The following PTPRD variants were observed in gnomAD, a reference collection of about 807,000 sequenced individuals.
PTPRD encodes the protein protein tyrosine phosphatase receptor type D.
A neutral mutation model predicts 214.5 loss-of-function variants in PTPRD; 34 were observed. The observed-to-expected ratio is 0.16, with a 90% CI of 0.12 to 0.21. The LOEUF (loss-of-function observed/expected upper bound fraction) is 0.21, where lower values mean the gene tolerates loss of function less well. Among genes scored for constraint, PTPRD ranks in the 10% least tolerant of loss-of-function variants. PTPRD has a pLI of 1.00. For synonymous variants in PTPRD, 1,128 were observed against 845.7 expected, an observed-to-expected ratio of 1.33 and a Z score of -5.79; for missense variants, 2,545 against 2,398.7, an observed-to-expected ratio of 1.06 and a Z score of -1.27.
At chr9:8,458,220 G>A (rs1458672404) in intron 33 of PTPRD, among the ~76,000 whole-genome samples, 1 of 152,044 alleles carries the variant, frequency 6.6e-6, no homozygotes, top group Non-Finnish European at 1.5e-5. Context: ...CTTTTTGTGG[G>A]ATTAGGAAAA....
intron 37 of PTPRD, among the ~76,000 whole-genome samples, chr9:8,388,381 TTC>T (rs2088019558): frequency 6.6e-6 from 1 of 152,178 alleles, no homozygotes; most frequent in Non-Finnish European, 1.5e-5. Flanking sequence ...TGGTTTCAAA[TTC>T]TGTCTTGAAT....
chr9:8,694,590 A>C (rs1332268445), intron 12 of PTPRD, among the ~76,000 whole-genome samples: 1 of 152,224 alleles, frequency 6.6e-6, no homozygotes, highest in Non-Finnish European at 1.5e-5. Flanking sequence ...CATTTTATTC[A>C]GGATTAAAAA....
At chr9:8,862,641 T>G (rs1400746531) in intron 11 of PTPRD, among the ~76,000 whole-genome samples, 1 of 152,214 alleles carries the variant, frequency 6.6e-6, no homozygotes, top group Non-Finnish European at 1.5e-5. Context: ...CTGGAGATTT[T>G]GAGACATGTT....
chr9:10,211,565 A>G (rs1266670704), intron 3 of PTPRD, among the ~76,000 whole-genome samples: 1 of 152,176 alleles, frequency 6.6e-6, no homozygotes, highest in East Asian at 1.9e-4. Flanking sequence ...CATCTCTGCC[A>G]ACAGAGGTGC....
chr9:9,997,806 T>C (rs1196309036), intron 4 of PTPRD, among the ~76,000 whole-genome samples: 1 of 151,188 alleles, frequency 6.6e-6, no homozygotes, highest in Non-Finnish European at 1.5e-5. Context: ...ACATGGCAAT[T>C]CCCACCCTCT....
chr9:9,153,759 A>G (rs1302470495), intron 10 of PTPRD, among the ~76,000 whole-genome samples: 1 of 152,148 alleles, frequency 6.6e-6, no homozygotes, highest in Non-Finnish European at 1.5e-5. Flanking sequence ...AAAAATCAAC[A>G]TTCATCTACT....
At chr9:10,033,875 A>C (rs1024536434) in intron 3 of PTPRD, 85 bp from the exon 4 acceptor site, 2 of 152,244 alleles carry the variant, frequency 1.3e-5, no homozygotes, top group East Asian at 3.9e-4. Context: ...ATCAGATAAA[A>C]AAGGAAAACA....
At chr9:9,597,217 A>G (rs1017238462) in intron 7 of PTPRD, among the ~76,000 whole-genome samples, 9 of 152,010 alleles carry the variant, frequency 5.9e-5, no homozygotes, top group African/African-American at 1.9e-4. Context: ...GAAAAGGCCA[A>G]CAGATATAAC....
At chr9:8,336,051 T>G (rs1031024657) in intron 43 of PTPRD, among the ~76,000 whole-genome samples, 2 of 151,444 alleles carry the variant, frequency 1.3e-5, no homozygotes, top group Non-Finnish European at 2.9e-5. Context: ...ATTTATAGAT[T>G]CAATGCCATC....
chr9:8,923,522 G>A (rs1318373324), intron 11 of PTPRD, among the ~76,000 whole-genome samples: 1 of 152,130 alleles, frequency 6.6e-6, no homozygotes, highest in Non-Finnish European at 1.5e-5. Context: ...AGGGAACTAA[G>A]TAAGCATTAT....
chr9:10,509,580 T>TATATATATATATA (rs1491395020), intron 2 of PTPRD, among the ~76,000 whole-genome samples: 18 of 135,054 alleles, frequency 1.3e-4, no homozygotes, highest in South Asian at 4.7e-4. Flanking sequence ...TATATATATA[T>TATATATATATATA]TTTACTCACT....
At chr9:8,775,901 T>G (rs937192328) in intron 11 of PTPRD, among the ~76,000 whole-genome samples, 14 of 152,034 alleles carry the variant, frequency 9.2e-5, no homozygotes, top group African/African-American at 3.4e-4. Flanking sequence ...TGATATAAAC[T>G]ACTATTCACA....
In PTPRD at chr9:10,280,079, T is replaced by C. The variant is rs571695911; in HGVS notation, c.-545+60884A>G. Among the ~76,000 whole-genome samples the C allele has an allele frequency of 2.2e-4, 33 of 152,300 alleles. No individual in the cohort carries two copies. In the East Asian group the frequency reaches 6.2e-3, roughly 29 times the overall value. Reference sequence around the variant, plus strand: ...TTTTTATTGTTAAATATATGTTTAGTACAATAAACCATTATATATACATAA... The same window carrying C: ...TTTTTATTGTTAAATATATGTTTAGCACAATAAACCATTATATATACATAA... On this transcript the variant is annotated intron_variant, in intron 3 of 45. Transcript: ENST00000381196.
At chr9:9,451,511 A>G (rs1321564437) in intron 8 of PTPRD, among the ~76,000 whole-genome samples, 6 of 151,824 alleles carry the variant, frequency 4.0e-5, no homozygotes, top group South Asian at 2.1e-4. Context: ...TGCAACTTCA[A>G]TATAGCCTCA....
At chr9:9,569,160 C>G (rs2085545751) in intron 8 of PTPRD, among the ~76,000 whole-genome samples, 2 of 151,362 alleles carry the variant, frequency 1.3e-5, no homozygotes, top group Non-Finnish European at 3.0e-5. Flanking sequence ...AGTAATAATC[C>G]TCTAACTATC....
chr9:9,919,565 TG>T (rs1602142293), intron 5 of PTPRD, among the ~76,000 whole-genome samples: 1 of 152,296 alleles, frequency 6.6e-6, no homozygotes. Flanking sequence ...CAATGATTCA[TG>T]TAACTCCCCT....
intron 5 of PTPRD, among the ~76,000 whole-genome samples, chr9:9,814,490 CAATT>C (rs1468673552): frequency 6.6e-6 from 1 of 152,046 alleles, no homozygotes; most frequent in Non-Finnish European, 1.5e-5. Flanking sequence ...TATACACTAA[CAATT>C]AACTATCTGA....
At chr9:9,880,575 C>T (rs924792597) in intron 5 of PTPRD, among the ~76,000 whole-genome samples, 9 of 152,062 alleles carry the variant, frequency 5.9e-5, no homozygotes, top group African/African-American at 2.2e-4. Context: ...CCCTAGTTTA[C>T]TTTACCTTGG....
At chr9:10,028,853 A>T (rs2096984791) in intron 4 of PTPRD, among the ~76,000 whole-genome samples, 1 of 152,200 alleles carries the variant, frequency 6.6e-6, no homozygotes, top group African/African-American at 2.4e-5. Flanking sequence ...AGTAATGAGG[A>T]TTCAAATTCT....
Sources: gnomAD v4.1 joint callset for allele counts (sites outside exome capture counted in the v4.1 genomes callset) on GRCh38, gnomAD v4.1.1 for gene constraint, MANE v1.5 for transcripts, NCBI Gene and HGNC (gene_info 2026-07-23, HGNC 2026-07-21) for gene names.